Variants in MYZAP observed in about 807,000 individuals in gnomAD.
The protein encoded by MYZAP is GRINL1A complex locus upstream.
MYZAP carries 66 observed loss-of-function variants against 69.4 expected under a neutral mutation model. The ratio of observed to expected loss-of-function variants is 0.95; its 90% confidence interval spans 0.78 to 1.17. The LOEUF (loss-of-function observed/expected upper bound fraction) is 1.17. MYZAP is among the 50% of genes most tolerant of loss of function. The pLI is 0.00. For missense variants in MYZAP, 611 were observed against 556.2 expected (o/e 1.10, Z -0.99); for synonymous variants, 256 against 205.9 (o/e 1.24, Z -2.09).
intron 5 of MYZAP, among the ~76,000 whole-genome samples, chr15:57,628,769 C>G (rs964151761): frequency 6.6e-6 from 1 of 152,072 alleles, no homozygotes; most frequent in Non-Finnish European, 1.5e-5. Context: ...AGTCTAGAAG[C>G]GCAGAAGGGA....
intron 10 of MYZAP, among the ~76,000 whole-genome samples, chr15:57,640,020 C>T (rs1273445831): frequency 2.0e-5 from 3 of 152,056 alleles, no homozygotes; most frequent in African/African-American, 7.2e-5. Flanking sequence ...TTTTCTCCCT[C>T]CTTCCTCGTT....
At chr15:57,629,091 AAAAAAAAAAAAAAAAAG>A (rs2036336984) in intron 5 of MYZAP, among the ~76,000 whole-genome samples, 1 of 81,862 alleles carries the variant, frequency 1.2e-5, no homozygotes, top group Admixed American at 1.0e-4. Context: ...TCAAAAACAA[AAAAAAAAAAAAAAAAAG>A]AAAAAGAATA....
rs79326877 is a variant in MYZAP at position 57,633,920 on chromosome 15, A to C, written c.933+179A>C. Among the ~76,000 whole-genome samples the C allele has an allele frequency of 2.3e-3, 348 of 152,250 alleles. 5 individuals carry two copies. The highest frequency in any genetic ancestry group is 0.016 in the Admixed American group (244 of 15,298). On this transcript the variant is annotated intron_variant, in intron 8 of 12. Coordinates refer to ENST00000267853, the MANE Select transcript of MYZAP (RefSeq NM_001018100.5). ...GTCCAACAACGTTCTCATTTTTCCC[A>C]TGATAACTATTTTGATGCTTTTAAA...
intron 6 of MYZAP, among the ~76,000 whole-genome samples, chr15:57,630,965 C>T (rs1462443202): frequency 6.6e-6 from 1 of 152,110 alleles, no homozygotes; most frequent in Non-Finnish European, 1.5e-5. Context: ...GAGGGGCTGC[C>T]GGTCCACCGC....
At chr15:57,613,409 C>T (rs572791011) in intron 2 of MYZAP, among the ~76,000 whole-genome samples, 64 of 152,096 alleles carry the variant, frequency 4.2e-4, no homozygotes, top group Admixed American at 3.0e-3. Context: ...CTTTCTCTGT[C>T]GCCCAGGCTG....
chr15:57,614,442 G>A (rs1156286264), intron 2 of MYZAP, among the ~76,000 whole-genome samples: 1 of 152,220 alleles, frequency 6.6e-6, no homozygotes, highest in Admixed American at 6.5e-5. Flanking sequence ...AGAGTGAACC[G>A]AGAAGACCTC....
intron 10 of MYZAP, among the ~76,000 whole-genome samples, chr15:57,653,159 G>A (rs1264055079): frequency 6.6e-6 from 1 of 152,056 alleles, no homozygotes; most frequent in Admixed American, 6.6e-5. Context: ...TGAGTTTTGC[G>A]ATGTGTGCAA....
At chr15:57,680,421 A>G (rs777922867) in intron 12 of MYZAP, among the ~76,000 whole-genome samples, 22 of 151,806 alleles carry the variant, frequency 1.4e-4, no homozygotes, top group Non-Finnish European at 2.5e-4. Flanking sequence ...GTGACCAAGG[A>G]TCTCTTCATA....
chr15:57,626,331 A>G (rs539119435), intron 5 of MYZAP, among the ~76,000 whole-genome samples: 1 of 152,366 alleles, frequency 6.6e-6, no homozygotes, highest in South Asian at 2.1e-4. Context: ...ACACTTTTTT[A>G]TAATTAGAAA....
At chr15:57,679,848 C>G (rs538501171) in intron 12 of MYZAP, among the ~76,000 whole-genome samples, 1 of 152,204 alleles carries the variant, frequency 6.6e-6, no homozygotes, top group African/African-American at 2.4e-5. Context: ...TGGGCACACT[C>G]CCAGCTGGTG....
intron 1 of MYZAP, among the ~76,000 whole-genome samples, chr15:57,595,314 T>A (rs1166905140): frequency 1.3e-5 from 2 of 152,148 alleles, no homozygotes; most frequent in African/African-American, 4.8e-5. Flanking sequence ...TTCAAACCAG[T>A]TGTGCACTAA....
At chr15:57,650,302 G>T (rs1225684321) in intron 10 of MYZAP, among the ~76,000 whole-genome samples, 1 of 152,158 alleles carries the variant, frequency 6.6e-6, no homozygotes, top group South Asian at 2.1e-4. Context: ...ATGAGGAGGA[G>T]CCAGGTACAA....
chr15:57,648,839 C>G lies in MYZAP; in HGVS notation c.1119+9294C>G, dbSNP rs556773336. Among the ~76,000 whole-genome samples, 380 of 144,822 alleles carry G rather than the reference C, an allele frequency of 2.6e-3. 2 individuals are homozygous for G. The highest frequency in any genetic ancestry group is 9.2e-3 in the African/African-American group (358 of 39,122). ...ACATCACAGATAAAGAAGAGGTTCT[C>G]TTTTTACCTGTCCCTGATTCTGTTC... On this transcript the variant is annotated intron_variant, in intron 10 of 12. Transcript: ENST00000267853.
At chr15:57,593,785 A>G (rs1375238771) in intron 1 of MYZAP, among the ~76,000 whole-genome samples, 3 of 152,218 alleles carry the variant, frequency 2.0e-5, no homozygotes, top group Non-Finnish European at 2.9e-5. Context: ...GAAGGAAGGT[A>G]TCTAAAGGGT....
chr15:57,657,921 T>C (rs1476682114), intron 10 of MYZAP, among the ~76,000 whole-genome samples: 1 of 152,224 alleles, frequency 6.6e-6, no homozygotes, highest in Non-Finnish European at 1.5e-5. Flanking sequence ...ATTTCTTCAG[T>C]CAATAGTTTT....
chr15:57,646,332 A>G, intron 10 of MYZAP: 3 of 1,196,072 alleles, frequency 2.5e-6, no homozygotes, highest in Non-Finnish European at 3.2e-6. Context: ...TATTATTTAA[A>G]GGAAAATTTG....
chr15:57,616,821 G>GTTTTTTTTTTTT (rs1595870389), intron 2 of MYZAP, among the ~76,000 whole-genome samples: 10 of 53,312 alleles, frequency 1.9e-4, no homozygotes, highest in Non-Finnish European at 2.4e-4. Context: ...AAAAAAAAGT[G>GTTTTTTTTTTTT]CTTTTTTTTT....
chr15:57,625,946 G>T, intron 5 of MYZAP, 54 bp downstream of exon 5: 1 of 1,514,736 alleles, frequency 6.6e-7, no homozygotes. Flanking sequence ...CAAGAGTGGG[G>T]ACTGTGCCTT....
At chr15:57,667,046 T>A (rs1252492641) in intron 11 of MYZAP, among the ~76,000 whole-genome samples, 4 of 152,216 alleles carry the variant, frequency 2.6e-5, no homozygotes, top group Non-Finnish European at 4.4e-5. Context: ...TCGGATATAC[T>A]ACACTTACAG....
Sources: allele counts gnomAD v4.1 joint callset (sites outside exome capture counted in the v4.1 genomes callset), GRCh38; gene constraint gnomAD v4.1.1; transcripts MANE v1.5; gene names NCBI Gene and HGNC (gene_info 2026-07-23, HGNC 2026-07-21).